Variants in CARNS1 observed in about 807,000 individuals in gnomAD.
The protein encoded by CARNS1 is carnosine synthase 1.
A neutral mutation model predicts 74.0 loss-of-function variants in CARNS1; 61 were observed. That is an observed-to-expected ratio of 0.82 (90% CI 0.67 to 1.02). The LOEUF (loss-of-function observed/expected upper bound fraction) is 1.02. Ranked by LOEUF, CARNS1 falls within the 50% of genes least tolerant of loss-of-function variation. CARNS1 has a pLI of 0.00. For missense variants in CARNS1, 1,278 were observed against 1,308.4 expected (o/e 0.98, Z 0.36); for synonymous variants, 568 against 605.5 (o/e 0.94, Z 0.91).
At position 67,419,147 on chromosome 11, in the gene CARNS1, G is replaced by A; in HGVS notation, c.756G>A (p.Arg252=). The change falls in exon 5 of 10, where the codon CGG becomes CGA. Residue 252 remains arginine (R), a synonymous_variant. Coordinates refer to ENST00000687366, the MANE Select transcript of CARNS1 (RefSeq NM_001166222.2). Reference sequence around the variant, plus strand: ...GAGGGGATGCCAGCCTAGGGCTACGGCTGGTGGAGCTGAGTGGCAAAGAGG... The same window carrying A: ...GAGGGGATGCCAGCCTAGGGCTACGACTGGTGGAGCTGAGTGGCAAAGAGG... ...LRGGDASLGL[R]LVELSGKEGQ... 6.4e-7 allele frequency: 1 copy of A among 1,562,876 alleles called. No homozygotes were observed. Among genetic ancestry groups the A allele is most frequent in the South Asian group, 1.2e-5 (1 of 85,468 alleles).
intron 9 of CARNS1, 130 bp downstream of exon 9, chr11:67,421,349 G>A (rs1863699833): frequency 9.2e-7 from 1 of 1,091,812 alleles, no homozygotes; most frequent in African/African-American, 1.7e-5. Flanking sequence ...GCGGTGCTTG[G>A]GCGGGGCATC....
chr11:67,424,361 G>A lies in CARNS1; in HGVS notation c.2613G>A (p.Gln871=). The part of the protein sequence containing the change: ...GVMCLVSQHL[Q]ALSSTASRET... ...TGTGCCTTGTGTCCCAGCACCTGCA[G>A]GCCCTGAGTTCCACCGCCAGCCGTG... is the stretch of plus-strand genomic sequence containing the variant. Residue 871 remains glutamine, a synonymous_variant, in exon 10 of 10, where the codon CAG becomes CAA. Coordinates refer to ENST00000687366, the MANE Select transcript of CARNS1 (RefSeq NM_001166222.2). 6.2e-7 allele frequency: 1 copy of A among 1,602,786 alleles called. No individual in the cohort carries two copies. Among genetic ancestry groups the A allele is most frequent in the Non-Finnish European group, 8.5e-7 (1 of 1,175,058 alleles).
rs1193948719 is a variant in CARNS1, at chr11:67,421,542, T to A, written c.1626+323T>A. Among the ~76,000 whole-genome samples the A allele has an allele frequency of 2.0e-5, 3 of 152,184 alleles. No individual in the cohort carries two copies. In the South Asian group the frequency reaches 6.2e-4, roughly 32 times the overall value. On this transcript the variant is annotated intron_variant, in intron 9 of 9. Transcript: ENST00000687366. ...CAGCGTTAGCGCCAGAGTGGGGGCC[T>A]TGAATGCCAGGCTAAGGAGCCTGGC...
At position 67,418,888 on chromosome 11, in the gene CARNS1, T is replaced by C; in HGVS notation, c.497T>C (p.Phe166Ser). Reference sequence around the variant, plus strand: ...GGGGGCCTGACATTCCTGGATGACTTTGTCCCCCCGCGCCGTGCCACCTAC... The same window carrying C: ...GGGGGCCTGACATTCCTGGATGACTCTGTCCCCCCGCGCCGTGCCACCTAC... ...HPGGLTFLDD[F>S]VPPRRATYFL... is the part of the protein sequence containing the mutation. Residue 166 changes from phenylalanine (F) to serine (S), a missense_variant, in exon 5 of 10, where the codon TTT becomes TCT. Physicochemically the swap from Phe to Ser is radical, Grantham distance 155. Coordinates refer to ENST00000687366, the MANE Select transcript of CARNS1 (RefSeq NM_001166222.2). The C allele has an allele frequency of 6.3e-7, 1 of 1,599,090 alleles. No homozygotes were observed. Among genetic ancestry groups the C allele is most frequent in the Non-Finnish European group, 8.5e-7 (1 of 1,172,856 alleles).
In CARNS1 at chr11:67,419,741, G is replaced by A. The variant is rs558877827; in HGVS notation, c.1028-12G>A. The stretch of plus-strand genomic sequence containing the variant: ...CTCTGTGCTGGCCTTAGACCTCCCC[G>A]TCTTCCCCCAGATGGTCCTTCACCC... On this transcript the variant is annotated splice_polypyrimidine_tract_variant and intron_variant, in intron 6 of 9. Transcript: ENST00000687366. 1.2e-6 allele frequency: 2 copies of A among 1,600,650 alleles called. No individual in the cohort carries two copies. Among genetic ancestry groups the A allele is most frequent in the East Asian group, 2.3e-5 (1 of 43,694 alleles).
intron 2 of CARNS1, 153 bp downstream of exon 2, chr11:67,416,355 G>A (rs1338341168): frequency 2.1e-5 from 31 of 1,463,824 alleles, no homozygotes; most frequent in African/African-American, 1.3e-4. Flanking sequence ...CCCACCCTGC[G>A]GCTGCATCCT....
intron 1 of CARNS1, 143 bp from the exon 2 acceptor site, chr11:67,416,027 CGGGGTG>C: frequency 1.5e-6 from 1 of 654,310 alleles, no homozygotes; most frequent in Non-Finnish European, 2.8e-6. Flanking sequence ...TCCCTACCTT[CGGGGTG>C]GGGGTGGGGC....
Position 67,423,781 on chromosome 11 carries a change from T to C in CARNS1, c.2033T>C (p.Phe678Ser). 6.3e-7 allele frequency: 1 copy of C among 1,598,610 alleles called. No individual in the cohort carries two copies. Among genetic ancestry groups the C allele is most frequent in the Non-Finnish European group, 8.5e-7 (1 of 1,176,634 alleles). The change falls in exon 10 of 10, where the codon TTC becomes TCC. Residue 678 changes from phenylalanine (F) to serine (S), a missense_variant. Transcript: ENST00000687366. This position sits in a 1 kb window ranked among gnomAD's most constrained non-coding sequence, Gnocchi z 5.1. ...VPLPGVMKLE[F>S]GAGAVGVRLV... ...CTGCCAGGTGTCATGAAGCTGGAGTTCGGGGCAGGTGCAGTGGGTGTCCGG... is the reference window on the plus strand; with the variant it reads ...CTGCCAGGTGTCATGAAGCTGGAGTCCGGGGCAGGTGCAGTGGGTGTCCGG...
chr11:67,420,234 C>T (rs1863661443), intron 7 of CARNS1, among the ~76,000 whole-genome samples: 1 of 152,144 alleles, frequency 6.6e-6, no homozygotes, highest in South Asian at 2.1e-4. Context: ...CTGAGTACCC[C>T]GCTCTAGGCT....
intron 2 of CARNS1, chr11:67,417,077 C>A (rs1010509932): frequency 7.4e-6 from 8 of 1,087,918 alleles, no homozygotes; most frequent in Non-Finnish European, 8.9e-6. Context: ...GGGTTGCCTC[C>A]ATGAACAAAA....
intron 3 of CARNS1, 30 bp from the exon 4 acceptor site, chr11:67,418,401 G>C: frequency 2.1e-6 from 3 of 1,422,712 alleles, no homozygotes; most frequent in Non-Finnish European, 2.8e-6. Flanking sequence ...GGGCGCCCCT[G>C]GTGAGCTGGG....
chr11:67,420,644 A>G lies in CARNS1; in HGVS notation c.1149A>G (p.Leu383=). ...VCGVGRGDRP[L]RHHNSLPRTL... Reference sequence around the variant, plus strand: ...GCGTGGGCCGCGGGGACCGCCCTCTACGGCACCACAACTCCCTGCCGAGGA... The same window carrying G: ...GCGTGGGCCGCGGGGACCGCCCTCTGCGGCACCACAACTCCCTGCCGAGGA... The change falls in exon 8 of 10, where the codon CTA becomes CTG. Residue 383 remains leucine (L), a synonymous_variant. Transcript: ENST00000687366. 3.2e-6 allele frequency: 4 copies of G among 1,245,990 alleles called. No individual in the cohort carries two copies. The highest frequency in any genetic ancestry group is 3.1e-4 in the Middle Eastern group (1 of 3,272). 77.2% of individuals were successfully genotyped at this position (1,245,990 alleles called of 1,614,324 possible). A position where few individuals can be genotyped will look rare whatever the true frequency, so the allele number is the denominator to read the frequency against.
In CARNS1 at chr11:67,418,963, A is replaced by G; in HGVS notation, c.572A>G (p.Glu191Gly). Residue 191 changes from glutamate (E) to glycine (G), a missense_variant, in exon 5 of 10, where the codon GAA becomes GGA. Coordinates refer to ENST00000687366, the MANE Select transcript of CARNS1 (RefSeq NM_001166222.2). ...LGPGRGREAA[E>G]LARDLTCPTG... Reference sequence around the variant, plus strand: ...CCTGGCCGGGGCCGAGAGGCAGCAGAACTCGCCCGTGACCTGACCTGCCCC... The same window carrying G: ...CCTGGCCGGGGCCGAGAGGCAGCAGGACTCGCCCGTGACCTGACCTGCCCC... 1 of 1,570,230 alleles carries G rather than the reference A, an allele frequency of 6.4e-7. No individual in the cohort carries two copies. The highest frequency in any genetic ancestry group is 1.7e-4 in the Middle Eastern group (1 of 6,016).
At position 67,424,102 on chromosome 11, in the gene CARNS1, G is replaced by A. The variant is rs753886879; in HGVS notation, c.2354G>A (p.Arg785His). The change falls in exon 10 of 10, where the codon CGC (arginine) becomes CAC (histidine). Residue 785 changes from arginine to histidine, a missense_variant. This residue lies in a region of CARNS1 where 1,164 missense variants were observed against 1,156.5 expected (regional missense o/e 1.01). Coordinates refer to ENST00000687366, the MANE Select transcript of CARNS1 (RefSeq NM_001166222.2). Reference sequence around the variant, plus strand: ...GCACAGATGGTTCAGGCAGCCTTCCGCTGTTGCCTGGGCTGCGGGTTGCTC... The same window carrying A: ...GCACAGATGGTTCAGGCAGCCTTCCACTGTTGCCTGGGCTGCGGGTTGCTC... Reference protein sequence around the residue: ...QEAQMVQAAFRCCLGCGLLDG... With the variant: ...QEAQMVQAAFHCCLGCGLLDG... The A allele has an allele frequency of 6.2e-6, 10 of 1,613,712 alleles. No individual in the cohort carries two copies. In the East Asian group the frequency reaches 8.9e-5, roughly 14 times the overall value.
Position 67,424,697 on chromosome 11 carries a change from G to A in CARNS1, c.*96G>A. On this transcript the variant is annotated 3_prime_UTR_variant, in exon 10 of 10. Coordinates refer to ENST00000687366, the MANE Select transcript of CARNS1 (RefSeq NM_001166222.2). ...TTCCTGCTTCTCTCCCCATCACCATGCCCCAGCCCCAGCCTGGCCCGCTGC... is the reference window on the plus strand; with the variant it reads ...TTCCTGCTTCTCTCCCCATCACCATACCCCAGCCCCAGCCTGGCCCGCTGC... The A allele has an allele frequency of 7.6e-7, 1 of 1,314,308 alleles. No individual in the cohort carries two copies. Among genetic ancestry groups the A allele is most frequent in the South Asian group, 1.5e-5 (1 of 66,972 alleles). The allele number at this position is 1,314,308 out of a possible 1,614,324, so 81.4% of individuals were successfully genotyped here.
Position 67,417,619 on chromosome 11 carries a change from C to G in CARNS1, c.216C>G (p.Ser72Arg). Reference protein sequence around the residue: ...WTVYYYSLLQSCLQQAGLPET... With the variant: ...WTVYYYSLLQRCLQQAGLPET... ...TCTACTACTACAGCCTCCTGCAGAGCTGTCTGCAGCAAGCTGGCCTTCCGG... is the reference window on the plus strand; with the variant it reads ...TCTACTACTACAGCCTCCTGCAGAGGTGTCTGCAGCAAGCTGGCCTTCCGG... The change falls in exon 3 of 10, where the codon AGC (serine) becomes AGG (arginine). Residue 72 changes from serine to arginine, a missense_variant. This residue lies in a region of CARNS1 where 104 missense variants were observed against 127.3 expected (regional missense o/e 0.82). Transcript: ENST00000687366. The G allele has an allele frequency of 7.8e-7, 1 of 1,277,556 alleles. No homozygotes were observed. The highest frequency in any genetic ancestry group is 9.9e-7 in the Non-Finnish European group (1 of 1,010,056). 79.1% of individuals were successfully genotyped at this position (1,277,556 alleles called of 1,614,324 possible).
In CARNS1 at chr11:67,421,053, C is replaced by T; in HGVS notation, c.1460C>T (p.Pro487Leu). The T allele has an allele frequency of 1.5e-6, 2 of 1,358,488 alleles. No individual in the cohort carries two copies. Among genetic ancestry groups the T allele is most frequent in the African/African-American group, 1.5e-5 (1 of 65,018 alleles). The allele number at this position is 1,358,488 out of a possible 1,614,324, so 84.2% of individuals were successfully genotyped here. A position where few individuals can be genotyped will look rare whatever the true frequency, so the allele number is the denominator to read the frequency against. Residue 487 changes from proline to leucine, a missense_variant, in exon 9 of 10, where the codon CCG becomes CTG. Pro to Leu is a moderately conservative substitution (Grantham distance 98). This residue lies in a region of CARNS1 where 1,164 missense variants were observed against 1,156.5 expected (regional missense o/e 1.01). Transcript: ENST00000687366. ...CGALEGLWAA[P>L]RLGPAADEAV... is the part of the protein sequence containing the mutation. ...GCGCTGGAGGGGCTGTGGGCCGCGC[C>T]GCGGCTGGGGCCGGCGGCCGACGAG...
intron 3 of CARNS1, among the ~76,000 whole-genome samples, 184 bp from the exon 4 acceptor site, chr11:67,418,247 G>C (rs1344708989): frequency 6.6e-6 from 1 of 152,146 alleles, no homozygotes; most frequent in East Asian, 1.9e-4. Flanking sequence ...TGCAGAAAGG[G>C]GAAACCAGCT....
In CARNS1 at chr11:67,417,548, G is replaced by A. The variant is rs1466491417; in HGVS notation, c.145G>A (p.Asp49Asn). The A allele has an allele frequency of 1.2e-5, 17 of 1,400,716 alleles. No individual in the cohort carries two copies. The highest frequency in any genetic ancestry group is 1.4e-5 in the Non-Finnish European group (15 of 1,078,766). The allele number at this position is 1,400,716 out of a possible 1,614,324, so 86.8% of individuals were successfully genotyped here. A position where few individuals can be genotyped will look rare whatever the true frequency, so the allele number is the denominator to read the frequency against. ...CTCCTGGCGCCAGGACGTGGGCCTG[G>A]ACTGCAAGGGATCCCCCGAGGGGGC... ...PGSWRQDVGL[D>N]CKGSPEGAEA... Residue 49 changes from aspartate to asparagine, a missense_variant, in exon 3 of 10, where the codon GAC (aspartate) becomes AAC (asparagine). Around this residue, in one of 3 missense-constraint regions of CARNS1, gnomAD observed 104 missense variants for 127.3 expected, o/e 0.82. Coordinates refer to ENST00000687366, the MANE Select transcript of CARNS1 (RefSeq NM_001166222.2).
Sources: allele counts gnomAD v4.1 joint callset (sites outside exome capture counted in the v4.1 genomes callset), GRCh38; gene constraint gnomAD v4.1.1; regional missense constraint gnomAD v4.1.1; non-coding constraint Gnocchi (gnomAD v3.1); transcripts MANE v1.5; gene names NCBI Gene and HGNC (gene_info 2026-07-23, HGNC 2026-07-21).